Variants in BAIAP2L2 observed in about 807,000 individuals in gnomAD.
The protein encoded by BAIAP2L2 is BAR/IMD domain containing adaptor protein 2 like 2, also known as BAR/IMD domain-containing adapter protein 2-like 2.
In BAIAP2L2, 65 loss-of-function variants were observed where a neutral mutation model predicts 60.4. The ratio of observed to expected loss-of-function variants is 1.08; its 90% confidence interval spans 0.88 to 1.32. BAIAP2L2 has a LOEUF of 1.32. BAIAP2L2 is among the 40% of genes most tolerant of loss of function. The pLI is 0.00. For synonymous variants in BAIAP2L2, 344 were observed against 301.7 expected, an observed-to-expected ratio of 1.14 and a Z score of -1.45; for missense variants, 836 against 741.2, an observed-to-expected ratio of 1.13 and a Z score of -1.48.
At chr22:38,089,283 G>GA (rs2086212738) in intron 8 of BAIAP2L2, 52 bp from the exon 9 acceptor site, 2 of 145,594 alleles carry the variant, frequency 1.4e-5, no homozygotes, top group African/African-American at 3.3e-5. Context: ...GGGGGGCGGG[G>GA]CCGCGCCCTA....
chr22:38,086,994 T>TG, intron 11 of BAIAP2L2, 130 bp downstream of exon 11: 1 of 851,760 alleles, frequency 1.2e-6, no homozygotes, highest in African/African-American at 3.0e-5. Context: ...AGACTCTGTC[T>TG]CAAAAAAAAA....
At chr22:38,105,340 T>TTTTTG (rs1429148242) in intron 4 of BAIAP2L2, among the ~76,000 whole-genome samples, 3 of 68,284 alleles carry the variant, frequency 4.4e-5, no homozygotes, top group African/African-American at 5.8e-5. Context: ...TTTTCTTTTC[T>TTTTTG]TTTTTTTTTT....
Position 38,087,163 on chromosome 22 carries a change from G to T in BAIAP2L2, c.1220C>A (p.Pro407His). 6.2e-7 allele frequency: 1 copy of T among 1,602,810 alleles called. No individual in the cohort carries two copies. Among genetic ancestry groups the T allele is most frequent in the Non-Finnish European group, 8.5e-7 (1 of 1,175,690 alleles). ...TPMTSMTSMS[P>H]MTPMNPGNEL... ...GTTCCCGGGGTTCATGGGTGTCATGGGGGACATGGAGGTCATGGAGGTCAT... is the reference window on the plus strand; with the variant it reads ...GTTCCCGGGGTTCATGGGTGTCATGTGGGACATGGAGGTCATGGAGGTCAT... The change falls in exon 11 of 14, where the codon CCC becomes CAC. Residue 407 changes from proline to histidine, a missense_variant. Physicochemically the swap from Pro to His is moderately conservative, Grantham distance 77. Transcript: ENST00000381669.
intron 10 of BAIAP2L2, 112 bp from the exon 11 acceptor site, chr22:38,087,376 A>ATTGTAGTCTGT: frequency 7.9e-7 from 1 of 1,259,558 alleles, no homozygotes; most frequent in Non-Finnish European, 1.1e-6. Context: ...CCTCGAATTG[A>ATTGTAGTCTGT]CAGACTACAA....
rs753887159 is a variant in BAIAP2L2 at position 38,098,463 on chromosome 22, C to T, written c.296G>A (p.Gly99Asp). The change falls in exon 5 of 14, where the codon GGC becomes GAC. Residue 99 changes from glycine to aspartate, a missense_variant. By Grantham distance (94) the Gly-to-Asp change is moderately conservative. Transcript: ENST00000381669. ...GTTCTTCTCCATGTGCTGCAGCAGG[C>T]CTCCATGGAATGTCTGCACCTGAGC... is the stretch of plus-strand genomic sequence containing the variant. Reference protein sequence around the residue: ...LEVVVQTFHGGLLQHMEKNTK... With the variant: ...LEVVVQTFHGDLLQHMEKNTK... The T allele has an allele frequency of 2.2e-5, 36 of 1,613,652 alleles. No homozygotes were observed. Among genetic ancestry groups the T allele is most frequent in the Middle Eastern group, 3.3e-4 (2 of 6,084 alleles).
At chr22:38,093,905 C>T (rs1214167538) in intron 7 of BAIAP2L2, 1 of 456,552 alleles carries the variant, frequency 2.2e-6, no homozygotes, top group East Asian at 6.9e-5. Flanking sequence ...ATGCTCAGCG[C>T]AGCAGTGGTC....
Position 38,088,875 on chromosome 22 carries a change from C to A in BAIAP2L2, c.991G>T (p.Ala331Ser). Residue 331 changes from alanine to serine, a missense_variant, in exon 10 of 14, where the codon GCC (alanine) becomes TCC (serine). By Grantham distance (99) the Ala-to-Ser change is moderately conservative. Transcript: ENST00000381669. ...GCGCCCTCCGAGTGGGAGACCAGGG[C>A]GCGGACTCTCCTGGCGCCCCCGCCG... is the stretch of plus-strand genomic sequence containing the variant. ...GGGGGARRVR[A>S]LVSHSEGANH... 6.3e-7 allele frequency: 1 copy of A among 1,590,850 alleles called. No individual in the cohort carries two copies. Among genetic ancestry groups the A allele is most frequent in the Non-Finnish European group, 8.5e-7 (1 of 1,176,232 alleles).
intron 4 of BAIAP2L2, among the ~76,000 whole-genome samples, chr22:38,101,611 T>G (rs1361264104): frequency 3.3e-5 from 5 of 149,964 alleles, no homozygotes; most frequent in Non-Finnish European, 5.9e-5. Flanking sequence ...CACAGCACTT[T>G]GGAAGGCCAA....
At chr22:38,089,861 C>T (rs925523986) in intron 7 of BAIAP2L2, among the ~76,000 whole-genome samples, 187 bp from the exon 8 acceptor site, 1 of 152,116 alleles carries the variant, frequency 6.6e-6, no homozygotes, top group Admixed American at 6.5e-5. Flanking sequence ...GCAAAGGCAC[C>T]TCCATTTTCC....
At chr22:38,093,040 C>G (rs1602006744) in intron 7 of BAIAP2L2, among the ~76,000 whole-genome samples, 1 of 152,134 alleles carries the variant, frequency 6.6e-6, no homozygotes, top group East Asian at 1.9e-4. Flanking sequence ...GTGGTGCATG[C>G]CTGTAATCCC....
rs2086694455 is a variant in BAIAP2L2 at position 38,107,787 on chromosome 22, C to T, written c.276+65G>A. 4 of 1,487,456 alleles carry T rather than the reference C, an allele frequency of 2.7e-6. No homozygotes were observed. The African/African-American group carries it at 4.2e-5, about 15-fold the overall frequency. The allele number at this position is 1,487,456 out of a possible 1,614,324, so 92.1% of individuals were successfully genotyped here. A position where few individuals can be genotyped will look rare whatever the true frequency, so the allele number is the denominator to read the frequency against. ...GGAAGGGCATCTGGTAGGCTGGGCC[C>T]TCTCCTTGGAACATAGCCCACTTTC... On this transcript the variant is annotated intron_variant, in intron 4 of 13. Coordinates refer to ENST00000381669, the MANE Select transcript of BAIAP2L2 (RefSeq NM_025045.6).
At chr22:38,100,622 G>A (rs1403847507) in intron 4 of BAIAP2L2, among the ~76,000 whole-genome samples, 1 of 152,086 alleles carries the variant, frequency 6.6e-6, no homozygotes, top group East Asian at 1.9e-4. Context: ...GCCATGTGAC[G>A]CACCTGTTAC....
At chr22:38,108,917 A>T (rs28534554) in intron 2 of BAIAP2L2, among the ~76,000 whole-genome samples, 1 of 150,716 alleles carries the variant, frequency 6.6e-6, no homozygotes, top group Admixed American at 6.6e-5. Flanking sequence ...GGGGGCAATG[A>T]GGGGTGCTGG....
intron 4 of BAIAP2L2, among the ~76,000 whole-genome samples, chr22:38,101,371 TAAAAAAAAAAA>T (rs529893934): frequency 9.9e-5 from 8 of 80,740 alleles, no homozygotes; most frequent in African/African-American, 2.2e-4. Context: ...TGTCTCTACA[TAAAAAAAAAAA>T]AAAAAAAAAA....
In BAIAP2L2 at chr22:38,110,540, G is replaced by A. The variant is rs370101147; in HGVS notation, c.-15C>T. The A allele has an allele frequency of 2.7e-5, 43 of 1,606,186 alleles. 1 individual carries two copies. The highest frequency in any genetic ancestry group is 3.3e-5 in the Non-Finnish European group (39 of 1,175,914). On this transcript the variant is annotated 5_prime_UTR_variant, in exon 1 of 14. Transcript: ENST00000381669. ...TCGGGGGCCATGGAGGGGCTGTCCC[G>A]GGTCTGAGCAGGAGGCTGGGAGCTG... is the stretch of plus-strand genomic sequence containing the variant.
At chr22:38,108,832 G>C (rs1208275764) in intron 2 of BAIAP2L2, among the ~76,000 whole-genome samples, 1 of 152,008 alleles carries the variant, frequency 6.6e-6, no homozygotes, top group East Asian at 1.9e-4. Flanking sequence ...TGCACTGTCA[G>C]GGGCTGCCCT....
At chr22:38,106,409 G>T (rs1188153711) in intron 4 of BAIAP2L2, among the ~76,000 whole-genome samples, 1 of 151,646 alleles carries the variant, frequency 6.6e-6, no homozygotes, top group Non-Finnish European at 1.5e-5. Flanking sequence ...AATCCCAGCC[G>T]CTCGGGAGGC....
rs2086734834 is a variant in BAIAP2L2 at position 38,109,161 on chromosome 22, C to T, written c.99G>A (p.Leu33=). ...FNPALENLVY[L]GNNYLRAFHA... ...GGAAGGCACGCAGGTAGTTGTTGCC[C>T]AGGTACACCAGGTTCTCCAGGGCGG... is the stretch of plus-strand genomic sequence containing the variant. Residue 33 remains leucine, a synonymous_variant, in exon 2 of 14, where the codon CTG becomes CTA. Transcript: ENST00000381669. 1 of 1,613,046 alleles carries T rather than the reference C, an allele frequency of 6.2e-7. No individual in the cohort carries two copies. Among genetic ancestry groups the T allele is most frequent in the Non-Finnish European group, 8.5e-7 (1 of 1,179,676 alleles).
chr22:38,088,726 C>A (rs2086176972), intron 10 of BAIAP2L2, 22 bp downstream of exon 10: 2 of 1,379,050 alleles, frequency 1.5e-6, no homozygotes, highest in East Asian at 2.4e-5. Flanking sequence ...CCACCCCCGG[C>A]CCCTCCAAGG....
Sources: gnomAD v4.1 joint callset for allele counts (sites outside exome capture counted in the v4.1 genomes callset) on GRCh38, gnomAD v4.1.1 for gene constraint, MANE v1.5 for transcripts, NCBI Gene and HGNC (gene_info 2026-07-23, HGNC 2026-07-21) for gene names.